RUNX1: variants seen among roughly 807,000 people sequenced by gnomAD.
RUNX1 encodes RUNX family transcription factor 1.
In RUNX1, 19 loss-of-function variants were observed where a neutral mutation model predicts 42.8. That is an observed-to-expected ratio of 0.44 (90% CI 0.31 to 0.65). RUNX1 has a LOEUF of 0.65. RUNX1 is among the 30% of genes least tolerant of loss of function. RUNX1 has a pLI of 0.07. For missense variants in RUNX1, 528 were observed against 672.0 expected (o/e 0.79, Z 2.37); for synonymous variants, 271 against 289.4 (o/e 0.94, Z 0.64).
At chr21:34,925,908 C>A (rs1258474444) in intron 2 of RUNX1, among the ~76,000 whole-genome samples, 1 of 151,882 alleles carries the variant, frequency 6.6e-6, no homozygotes, top group Non-Finnish European at 1.5e-5. Flanking sequence ...CTGTTTTTCC[C>A]AAAGGCTAGT....
rs541004938 is a variant in RUNX1 at position 34,837,469 on chromosome 21, C to G, written c.614-2868G>C. Among the ~76,000 whole-genome samples the G allele has an allele frequency of 5.9e-5, 9 of 152,254 alleles. No homozygotes were observed. In the East Asian group the frequency reaches 1.7e-3, roughly 29 times the overall value. On this transcript the variant is annotated intron_variant, in intron 6 of 8. Coordinates refer to ENST00000675419, the MANE Select transcript of RUNX1 (RefSeq NM_001754.5). Reference sequence around the variant, plus strand: ...TTCTTACTTTCTGAAACCATCAGACCTCATGTGCCAAATAGCAATATTTTG... The same window carrying G: ...TTCTTACTTTCTGAAACCATCAGACGTCATGTGCCAAATAGCAATATTTTG...
chr21:34,908,550 C>A (rs1476798841), intron 2 of RUNX1, among the ~76,000 whole-genome samples: 3 of 152,104 alleles, frequency 2.0e-5, no homozygotes, highest in Non-Finnish European at 4.4e-5. Context: ...ATCAACTCTG[C>A]AAGGTGTTTC....
intron 6 of RUNX1, among the ~76,000 whole-genome samples, chr21:34,846,814 C>T (rs927747144): frequency 2.0e-5 from 3 of 152,144 alleles, no homozygotes; most frequent in African/African-American, 4.8e-5. Context: ...CTGAATCACC[C>T]GAAGAATAGA....
intron 7 of RUNX1, among the ~76,000 whole-genome samples, chr21:34,811,999 G>A (rs973249480): frequency 2.7e-5 from 4 of 146,880 alleles, no homozygotes; most frequent in Non-Finnish European, 4.5e-5. Context: ...AAACCTCCAT[G>A]CCCCTGAGAA....
chr21:34,795,436 C>A (rs1189370898), intron 8 of RUNX1, among the ~76,000 whole-genome samples: 1 of 152,044 alleles, frequency 6.6e-6, no homozygotes, highest in Non-Finnish European at 1.5e-5. Flanking sequence ...TCCTCTGTAC[C>A]TTTGGGGTGA....
At chr21:34,888,611 G>A (rs1601532670) in intron 3 of RUNX1, 2 of 1,057,924 alleles carry the variant, frequency 1.9e-6, no homozygotes, top group South Asian at 4.6e-5. Flanking sequence ...AGTGCCTGGC[G>A]GCGCAGGGCC....
chr21:35,038,566 T>G (rs2059327876), intron 2 of RUNX1: 1 of 448,356 alleles, frequency 2.2e-6, no homozygotes, highest in African/African-American at 2.1e-5. Context: ...GAATTTTGAA[T>G]GCTGGCCTCT....
At chr21:34,813,232 G>T (rs1238354444) in intron 7 of RUNX1, among the ~76,000 whole-genome samples, 1 of 152,076 alleles carries the variant, frequency 6.6e-6, no homozygotes, top group African/African-American at 2.4e-5. Flanking sequence ...GCACAGGATG[G>T]CCCCTACAAC....
chr21:35,016,616 T>C (rs551547618), intron 2 of RUNX1, among the ~76,000 whole-genome samples: 42 of 152,254 alleles, frequency 2.8e-4, no homozygotes, highest in African/African-American at 9.9e-4. Flanking sequence ...TTCTTCTGCC[T>C]GAGGGGACAG....
At chr21:34,984,167 G>C (rs2058867673) in intron 2 of RUNX1, among the ~76,000 whole-genome samples, 1 of 152,144 alleles carries the variant, frequency 6.6e-6, no homozygotes, top group African/African-American at 2.4e-5. Context: ...AAGAGAGCCT[G>C]GGACAGGGTC....
chr21:34,816,050 G>A (rs1389079128), intron 7 of RUNX1, among the ~76,000 whole-genome samples: 2 of 152,130 alleles, frequency 1.3e-5, no homozygotes, highest in Non-Finnish European at 2.9e-5. Flanking sequence ...TCTCCCCCCA[G>A]GTTCCCAGCT....
At chr21:34,829,417 A>G (rs1303044808) in intron 7 of RUNX1, among the ~76,000 whole-genome samples, 1 of 152,186 alleles carries the variant, frequency 6.6e-6, no homozygotes, top group Non-Finnish European at 1.5e-5. Flanking sequence ...CTCTGCAGTC[A>G]TCCCACTGGT....
intron 2 of RUNX1, among the ~76,000 whole-genome samples, chr21:34,977,338 T>C (rs1369329232): frequency 6.6e-6 from 1 of 152,232 alleles, no homozygotes; most frequent in Non-Finnish European, 1.5e-5. Flanking sequence ...CTTTCAATGA[T>C]CTTCCATTTA....
chr21:34,964,284 C>T (rs765491079), intron 2 of RUNX1, among the ~76,000 whole-genome samples: 12 of 151,906 alleles, frequency 7.9e-5, no homozygotes, highest in Non-Finnish European at 1.5e-4. Context: ...GTCAGGAGAT[C>T]GAGACCATCC....
intron 6 of RUNX1, among the ~76,000 whole-genome samples, chr21:34,835,073 G>A (rs566631422): frequency 7.2e-5 from 11 of 152,274 alleles, no homozygotes; most frequent in Non-Finnish European, 1.2e-4. Flanking sequence ...GCGGCAAAGT[G>A]GGCCCCGCAG....
intron 2 of RUNX1, among the ~76,000 whole-genome samples, chr21:34,978,533 A>G (rs2834711): frequency 0.43 from 65,167 of 152,014 alleles, 14,653 homozygotes; most frequent in East Asian, 0.56. Context: ...TATTTTTACC[A>G]GTATAACAAG....
At chr21:34,960,004 T>C (rs948354577) in intron 2 of RUNX1, among the ~76,000 whole-genome samples, 1 of 151,924 alleles carries the variant, frequency 6.6e-6, no homozygotes, top group African/African-American at 2.4e-5. Flanking sequence ...CAGTGGGAAA[T>C]CTGGCATGTG....
chr21:34,814,360 G>T (rs1382515415), intron 7 of RUNX1, among the ~76,000 whole-genome samples: 2 of 152,158 alleles, frequency 1.3e-5, no homozygotes, highest in Admixed American at 6.5e-5. Flanking sequence ...AGCAGACGGC[G>T]ACAGGGATCA....
chr21:35,015,538 G>A (rs2059153320), intron 2 of RUNX1, among the ~76,000 whole-genome samples: 1 of 152,146 alleles, frequency 6.6e-6, no homozygotes, highest in African/African-American at 2.4e-5. Flanking sequence ...TGATGCCAGT[G>A]GTGGAAGAGG....
Sources: gnomAD v4.1 joint callset for allele counts (sites outside exome capture counted in the v4.1 genomes callset) on GRCh38, gnomAD v4.1.1 for gene constraint, MANE v1.5 for transcripts, NCBI Gene and HGNC (gene_info 2026-07-23, HGNC 2026-07-21) for gene names.